The following UNC5D variants were observed in gnomAD, a reference collection of about 807,000 sequenced individuals.
UNC5D encodes the protein unc-5 netrin receptor D.
UNC5D carries 39 observed loss-of-function variants against 105.4 expected under a neutral mutation model. That is an observed-to-expected ratio of 0.37 (90% CI 0.29 to 0.48). UNC5D has a LOEUF of 0.48. Ranked by LOEUF, UNC5D falls within the 20% of genes least tolerant of loss-of-function variation. The pLI, the probability that UNC5D is intolerant of heterozygous loss-of-function variation, is 0.98. For missense variants in UNC5D, 991 were observed against 1,202.4 expected (o/e 0.82, Z 2.60); for synonymous variants, 452 against 450.4 (o/e 1.00, Z -0.04).
At chr8:35,385,516 A>T (rs918296682) in intron 1 of UNC5D, among the ~76,000 whole-genome samples, 32 of 128,666 alleles carry the variant, frequency 2.5e-4, no homozygotes, top group Non-Finnish European at 3.9e-4. Context: ...CCCAGGCTGG[A>T]GTGCAGTGGT....
At chr8:35,433,229 G>T (rs1206762366) in intron 1 of UNC5D, among the ~76,000 whole-genome samples, 3 of 152,074 alleles carry the variant, frequency 2.0e-5, no homozygotes, top group Non-Finnish European at 4.4e-5. Flanking sequence ...GAAATAGTGT[G>T]GTCTCAAGAG....
At chr8:35,694,082 T>C (rs1826591576) in intron 7 of UNC5D, among the ~76,000 whole-genome samples, 1 of 152,184 alleles carries the variant, frequency 6.6e-6, no homozygotes, top group African/African-American at 2.4e-5. Context: ...CCTGTGATGA[T>C]GTAAACTGGA....
intron 2 of UNC5D, among the ~76,000 whole-genome samples, chr8:35,555,364 G>A (rs981639122): frequency 9.9e-5 from 15 of 152,036 alleles, no homozygotes; most frequent in African/African-American, 3.6e-4. Flanking sequence ...CCTACAAAAG[G>A]GAAATAAGAA....
At chr8:35,407,651 G>A (rs1482432858) in intron 1 of UNC5D, among the ~76,000 whole-genome samples, 1 of 151,986 alleles carries the variant, frequency 6.6e-6, no homozygotes, top group Non-Finnish European at 1.5e-5. Context: ...CTTAACCCTA[G>A]TACCCATTAG....
intron 11 of UNC5D, among the ~76,000 whole-genome samples, chr8:35,737,535 A>G (rs1829538928): frequency 6.6e-6 from 1 of 152,134 alleles, no homozygotes; most frequent in Non-Finnish European, 1.5e-5. Flanking sequence ...AAAAAAGAAT[A>G]TTTATAACCA....
chr8:35,455,099 A>T (rs1808399080), intron 1 of UNC5D, among the ~76,000 whole-genome samples: 1 of 152,166 alleles, frequency 6.6e-6, no homozygotes, highest in Non-Finnish European at 1.5e-5. Context: ...AGTAAAAATT[A>T]CTATACAAAC....
chr8:35,609,524 C>T (rs1002558291), intron 4 of UNC5D, among the ~76,000 whole-genome samples: 10 of 152,280 alleles, frequency 6.6e-5, no homozygotes, highest in South Asian at 6.2e-4. Flanking sequence ...CTTCCACAGT[C>T]GTGGTGTCCT....
intron 1 of UNC5D, among the ~76,000 whole-genome samples, chr8:35,487,342 A>G (rs1810887721): frequency 1.3e-5 from 2 of 152,148 alleles, no homozygotes; most frequent in South Asian, 2.1e-4. Flanking sequence ...AGTACAGATT[A>G]CCCCTCATAA....
At chr8:35,462,879 C>T (rs1458197966) in intron 1 of UNC5D, among the ~76,000 whole-genome samples, 1 of 152,174 alleles carries the variant, frequency 6.6e-6, no homozygotes, top group Non-Finnish European at 1.5e-5. Flanking sequence ...TAAGTTAAGA[C>T]AGCAACTGAG....
intron 4 of UNC5D, among the ~76,000 whole-genome samples, chr8:35,600,835 T>A (rs1297352522): frequency 6.6e-6 from 1 of 152,186 alleles, no homozygotes; most frequent in Non-Finnish European, 1.5e-5. Context: ...TGTCTTTTGT[T>A]GCCATTGCTT....
At chr8:35,748,909 T>C (rs951719756) in intron 12 of UNC5D, among the ~76,000 whole-genome samples, 1 of 152,140 alleles carries the variant, frequency 6.6e-6, no homozygotes, top group African/African-American at 2.4e-5. Context: ...CCAGATTTGT[T>C]TGGTTTTAGA....
chr8:35,615,024 A>C (rs1820926174), intron 4 of UNC5D, among the ~76,000 whole-genome samples: 1 of 130,614 alleles, frequency 7.7e-6, no homozygotes. Context: ...AGCCTGGGCA[A>C]CATAGTGAGG....
chr8:35,464,118 G>A (rs1809119993), intron 1 of UNC5D, among the ~76,000 whole-genome samples: 1 of 152,082 alleles, frequency 6.6e-6, no homozygotes, highest in Admixed American at 6.5e-5. Context: ...CCTGAGGTCA[G>A]GAGTTCGAGA....
At chr8:35,305,432 A>G (rs956516442) in intron 1 of UNC5D, among the ~76,000 whole-genome samples, 1 of 152,066 alleles carries the variant, frequency 6.6e-6, no homozygotes, top group Non-Finnish European at 1.5e-5. Flanking sequence ...TCCAACCCAG[A>G]CACCCAGGAA....
chr8:35,341,183 T>A (rs1182648435), intron 1 of UNC5D, among the ~76,000 whole-genome samples: 1 of 152,108 alleles, frequency 6.6e-6, no homozygotes, highest in Non-Finnish European at 1.5e-5. Flanking sequence ...CATACTGGAA[T>A]AATTTAGAAT....
At chr8:35,316,038 T>C (rs1809279270) in intron 1 of UNC5D, among the ~76,000 whole-genome samples, 1 of 152,118 alleles carries the variant, frequency 6.6e-6, no homozygotes, top group African/African-American at 2.4e-5. Context: ...TGATGGAGAA[T>C]GTATTATAGG....
At chr8:35,774,050 C>A (rs1205582561) in intron 15 of UNC5D, among the ~76,000 whole-genome samples, 4 of 152,042 alleles carry the variant, frequency 2.6e-5, no homozygotes, top group South Asian at 2.1e-4. Context: ...ATGCTGGAAG[C>A]TAGTCATTGT....
At chr8:35,676,701 G>A (rs1197567305) in intron 4 of UNC5D, among the ~76,000 whole-genome samples, 1 of 152,128 alleles carries the variant, frequency 6.6e-6, no homozygotes, top group Non-Finnish European at 1.5e-5. Context: ...TCATTTCCAC[G>A]AGAAAGCCAT....
At chr8:35,482,315 A>G (rs1810531895) in intron 1 of UNC5D, among the ~76,000 whole-genome samples, 1 of 152,208 alleles carries the variant, frequency 6.6e-6, no homozygotes, top group African/African-American at 2.4e-5. Flanking sequence ...CACACAAAAA[A>G]TGCTAGGTAT....
Sources: gnomAD v4.1 joint callset for allele counts (sites outside exome capture counted in the v4.1 genomes callset) on GRCh38, gnomAD v4.1.1 for gene constraint, MANE v1.5 for transcripts, NCBI Gene and HGNC (gene_info 2026-07-23, HGNC 2026-07-21) for gene names.